Variants in NUGGC observed in about 807,000 individuals in gnomAD.
NUGGC encodes nuclear GTPase, germinal center associated, also known as nuclear GTPase SLIP-GC.
A neutral mutation model predicts 92.6 loss-of-function variants in NUGGC; 58 were observed. The ratio of observed to expected loss-of-function variants is 0.63; its 90% CI spans 0.51 to 0.78. NUGGC has a LOEUF of 0.78. NUGGC is among the 30% of genes least tolerant of loss of function. The probability of loss-of-function intolerance (pLI) is 0.00; values close to 1 mark genes in which losing one functional copy is unlikely to be tolerated. For missense variants in NUGGC, 925 were observed against 964.6 expected (o/e 0.96, Z 0.54); for synonymous variants, 376 against 366.4 (o/e 1.03, Z -0.30).
rs536579785 is a variant in NUGGC, at chr8:28,026,770, C to G, written c.2245+192G>C. On this transcript the variant is annotated intron_variant, in intron 18 of 18. Coordinates refer to ENST00000413272, the MANE Select transcript of NUGGC (RefSeq NM_001010906.2). ...AGGGTAGGGCTGTTGTTTTCATCATCATCATCATCATCATCATCATCATCA... is the reference window on the plus strand; with the variant it reads ...AGGGTAGGGCTGTTGTTTTCATCATGATCATCATCATCATCATCATCATCA... 6.9e-4 allele frequency among the ~76,000 whole-genome samples: 105 copies of G among 152,080 alleles called. 1 individual carries two copies. Among genetic ancestry groups the G allele is most frequent in the African/African-American group, 2.5e-3 (103 of 41,472 alleles).
At chr8:28,073,643 G>C (rs1254426380) in intron 2 of NUGGC, among the ~76,000 whole-genome samples, 1 of 152,110 alleles carries the variant, frequency 6.6e-6, no homozygotes, top group Non-Finnish European at 1.5e-5. Context: ...TTCTGAGGGA[G>C]GGAAGCCACC....
chr8:28,073,340 C>A (rs994719602), intron 2 of NUGGC, among the ~76,000 whole-genome samples: 6 of 151,880 alleles, frequency 4.0e-5, no homozygotes, highest in African/African-American at 1.5e-4. Context: ...CCAAGCAAAA[C>A]GATCCCATTC....
At chr8:28,083,697 C>G (rs1810904635) in intron 1 of NUGGC, 78 bp downstream of exon 1, 1 of 151,702 alleles carries the variant, frequency 6.6e-6, no homozygotes, top group Non-Finnish European at 1.5e-5. Flanking sequence ...AAACTCAAAA[C>G]TGTTCTAAAA....
At chr8:28,037,318 C>G (rs1425613233) in intron 13 of NUGGC, among the ~76,000 whole-genome samples, 3 of 152,188 alleles carry the variant, frequency 2.0e-5, no homozygotes, top group Non-Finnish European at 2.9e-5. Context: ...GCCTATTCCC[C>G]CAAAACTCTG....
intron 13 of NUGGC, among the ~76,000 whole-genome samples, chr8:28,033,913 G>A (rs1425174863): frequency 6.6e-6 from 1 of 152,208 alleles, no homozygotes; most frequent in African/African-American, 2.4e-5. Context: ...TAAAGTCCCT[G>A]TGCTCACTTG....
intron 11 of NUGGC, among the ~76,000 whole-genome samples, chr8:28,046,991 A>G (rs971926965): frequency 4.6e-5 from 7 of 151,242 alleles, no homozygotes; most frequent in Non-Finnish European, 7.4e-5. Context: ...GTGTTTTGAG[A>G]CAGAGTTTCA....
rs768741861 is a variant in NUGGC, at chr8:28,069,558, T to C, written c.243A>G (p.Gly81=). ...TTCAGACTCACATGAGATACTTGACTCCATTAGGGATGCTGTCATCCAGGA... is the reference window on the plus strand; with the variant it reads ...TTCAGACTCACATGAGATACTTGACCCCATTAGGGATGCTGTCATCCAGGA... ...SVFLDDSIPN[G]VKYLINRLLA... Residue 81 remains glycine, a synonymous_variant, in exon 4 of 19, where the codon GGA becomes GGG. Transcript: ENST00000413272. The C allele has an allele frequency of 3.8e-6, 6 of 1,572,740 alleles. No individual in the cohort carries two copies. The highest frequency in any genetic ancestry group is 5.2e-6 in the Non-Finnish European group (6 of 1,143,242).
Position 28,034,587 on chromosome 8 carries a change from A to C in NUGGC, c.1612-890T>G, listed in dbSNP as rs916083609. Among the ~76,000 whole-genome samples, 8 of 152,282 alleles carry C rather than the reference A, an allele frequency of 5.3e-5. No homozygotes were observed. In the East Asian group the frequency reaches 1.5e-3, roughly 29 times the overall value. ...TCTCAGCACTTCGGGAGGCCAAGGC[A>C]GGTGGATCATCTGAGGTCAGGAGTT... On this transcript the variant is annotated intron_variant, in intron 13 of 18. Coordinates refer to ENST00000413272, the MANE Select transcript of NUGGC (RefSeq NM_001010906.2).
chr8:28,062,510 G>A (rs923246396), intron 7 of NUGGC, among the ~76,000 whole-genome samples: 7 of 152,140 alleles, frequency 4.6e-5, no homozygotes, highest in African/African-American at 1.2e-4. Flanking sequence ...CCAGCTACTC[G>A]GGAGGCTGGG....
At position 28,064,649 on chromosome 8, in the gene NUGGC, A is replaced by T; in HGVS notation, c.794T>A (p.Ile265Asn). The T allele has an allele frequency of 6.2e-7, 1 of 1,614,038 alleles. No homozygotes were observed. Among genetic ancestry groups the T allele is most frequent in the Non-Finnish European group, 8.5e-7 (1 of 1,179,884 alleles). Residue 265 changes from isoleucine to asparagine, a missense_variant, in exon 7 of 19, where the codon ATC (isoleucine) becomes AAC (asparagine). Coordinates refer to ENST00000413272, the MANE Select transcript of NUGGC (RefSeq NM_001010906.2). Reference sequence around the variant, plus strand: ...TTCCACATGTTTGATCAAGGGCCAGATGCGCATCTCAGCGGCCTCTCCATC... The same window carrying T: ...TTCCACATGTTTGATCAAGGGCCAGTTGCGCATCTCAGCGGCCTCTCCATC... ...DWDGEAAEMR[I>N]WPLIKHVEVT...
At chr8:28,046,603 A>C (rs928152818) in intron 11 of NUGGC, among the ~76,000 whole-genome samples, 2 of 152,182 alleles carry the variant, frequency 1.3e-5, no homozygotes, top group African/African-American at 4.8e-5. Flanking sequence ...CTCACAGACA[A>C]AATATACAAT....
chr8:28,065,335 T>C (rs1205165592), intron 6 of NUGGC, among the ~76,000 whole-genome samples: 2 of 152,102 alleles, frequency 1.3e-5, no homozygotes, highest in African/African-American at 4.8e-5. Flanking sequence ...ATTTTTGTTG[T>C]ATTTTTAGTA....
chr8:28,040,545 G>A (rs1333917067), intron 13 of NUGGC, among the ~76,000 whole-genome samples: 1 of 152,014 alleles, frequency 6.6e-6, no homozygotes, highest in Non-Finnish European at 1.5e-5. Flanking sequence ...GCTGAACTGT[G>A]TACCTTCCTT....
intron 7 of NUGGC, among the ~76,000 whole-genome samples, chr8:28,061,715 A>C (rs1310091434): frequency 2.0e-5 from 3 of 152,176 alleles, no homozygotes; most frequent in Non-Finnish European, 4.4e-5. Flanking sequence ...ATCAGGATGC[A>C]ATTCTATGGT....
intron 15 of NUGGC, 48 bp from the exon 16 acceptor site, chr8:28,030,466 G>A (rs1809388946): frequency 9.9e-7 from 1 of 1,010,090 alleles, no homozygotes. Flanking sequence ...TCCTTCAATG[G>A]AAGCAGGTCA....
intron 1 of NUGGC, among the ~76,000 whole-genome samples, chr8:28,082,077 G>A (rs1247732511): frequency 6.6e-6 from 1 of 152,134 alleles, no homozygotes; most frequent in South Asian, 2.1e-4. Flanking sequence ...TAACCACCTC[G>A]TTGGCCACTG....
At chr8:28,070,210 C>T in intron 3 of NUGGC, 42 bp downstream of exon 3, 4 of 1,510,332 alleles carry the variant, frequency 2.6e-6, no homozygotes, top group Non-Finnish European at 3.6e-6. Flanking sequence ...ATACTTGGAA[C>T]AGAACCGAAC....
rs28583218 is a variant in NUGGC at position 28,038,539 on chromosome 8, T to C, written c.1611+2512A>G. 8.3e-3 allele frequency among the ~76,000 whole-genome samples: 1,263 copies of C among 152,288 alleles called. 17 individuals are homozygous for C. Among genetic ancestry groups the C allele is most frequent in the African/African-American group, 0.029 (1,197 of 41,548 alleles). ...GTTTGAGTAACTTGTCCCGGTCACA[T>C]AGCTGGCAGATGGGGAAACTGAGGT... On this transcript the variant is annotated intron_variant, in intron 13 of 18. Coordinates refer to ENST00000413272, the MANE Select transcript of NUGGC (RefSeq NM_001010906.2).
At chr8:28,037,124 GCTCACC>G (rs1809574677) in intron 13 of NUGGC, among the ~76,000 whole-genome samples, 1 of 152,040 alleles carries the variant, frequency 6.6e-6, no homozygotes, top group Admixed American at 6.6e-5. Context: ...CCCGCCACTC[GCTCACC>G]AACTCCCCTC....
Sources: allele counts gnomAD v4.1 joint callset (sites outside exome capture counted in the v4.1 genomes callset), GRCh38; gene constraint gnomAD v4.1.1; transcripts MANE v1.5; gene names NCBI Gene and HGNC (gene_info 2026-07-23, HGNC 2026-07-21).